The following SERINC5 variants were observed in gnomAD, a reference collection of about 807,000 sequenced individuals.
SERINC5 encodes the protein serine incorporator 5.
A neutral mutation model predicts 63.1 loss-of-function variants in SERINC5; 41 were observed. That is an observed-to-expected ratio of 0.65 (90% CI 0.51 to 0.84). SERINC5 has a LOEUF of 0.84. SERINC5 is among the 40% of genes least tolerant of loss of function. The pLI is 0.00. For missense variants in SERINC5, 523 were observed against 573.0 expected, an observed-to-expected ratio of 0.91 and a Z score of 0.89; for synonymous variants, 222 against 215.2, an observed-to-expected ratio of 1.03 and a Z score of -0.28.
At chr5:80,207,085 G>A (rs890017407) in intron 1 of SERINC5, among the ~76,000 whole-genome samples, 3 of 151,982 alleles carry the variant, frequency 2.0e-5, no homozygotes, top group South Asian at 4.1e-4. Flanking sequence ...TGCAAGCTCC[G>A]CCTCCTGGGT....
Position 80,143,999 on chromosome 5 carries a change from G to A in SERINC5, c.1239-189C>T, listed in dbSNP as rs1044123033. ...CCCAAAAGAAATCATGCACCCCTTA[G>A]GTGCTCTCCCCTTCCCCATGGCCCC... On this transcript the variant is annotated intron_variant, in intron 11 of 11. Transcript: ENST00000507668. 20 of 661,536 alleles carry A rather than the reference G, an allele frequency of 3.0e-5. No homozygotes were observed. In the African/African-American group the frequency reaches 3.1e-4, roughly 10 times the overall value. 41.0% of individuals were successfully genotyped at this position (661,536 alleles called of 1,614,324 possible).
chr5:80,168,081 T>G (rs1478113341), intron 6 of SERINC5, among the ~76,000 whole-genome samples: 1 of 152,224 alleles, frequency 6.6e-6, no homozygotes, highest in African/African-American at 2.4e-5. Flanking sequence ...AATCGGAATA[T>G]CAAGTTGTTC....
At chr5:80,249,733 C>T (rs1398754166) in intron 1 of SERINC5, among the ~76,000 whole-genome samples, 13 of 151,908 alleles carry the variant, frequency 8.6e-5, no homozygotes, top group Non-Finnish European at 1.9e-4. Flanking sequence ...ACCTGGGAGG[C>T]GGAGGTTGCA....
At chr5:80,232,682 G>A (rs1386059786) in intron 1 of SERINC5, among the ~76,000 whole-genome samples, 1 of 151,988 alleles carries the variant, frequency 6.6e-6, no homozygotes, top group Non-Finnish European at 1.5e-5. Flanking sequence ...TACTGAGGAG[G>A]TTGAGGCAGG....
chr5:80,177,885 C>A lies in SERINC5; in HGVS notation c.374+1G>T, dbSNP rs1276243791. On this transcript the variant is annotated splice_donor_variant, in intron 3 of 11. Transcript: ENST00000507668. LOFTEE classifies it high-confidence loss of function. ...ATCCCCAAGAAGACTAAAATACTTA[C>A]CCATTGTGAATATGAGCTCTACAAC... 6.2e-7 allele frequency: 1 copy of A among 1,603,780 alleles called. No individual in the cohort carries two copies. Among genetic ancestry groups the A allele is most frequent in the Non-Finnish European group, 8.5e-7 (1 of 1,175,528 alleles).
intron 2 of SERINC5, among the ~76,000 whole-genome samples, chr5:80,191,617 C>T (rs1749191964): frequency 6.8e-6 from 1 of 147,186 alleles, no homozygotes; most frequent in Non-Finnish European, 1.5e-5. Flanking sequence ...GAGCCATGAT[C>T]GTGCCACCAC....
intron 7 of SERINC5, among the ~76,000 whole-genome samples, chr5:80,166,079 C>T (rs189315942): frequency 6.6e-6 from 1 of 152,202 alleles, no homozygotes; most frequent in Non-Finnish European, 1.5e-5. Flanking sequence ...CCCATCCCCT[C>T]ATGCACTGAT....
At chr5:80,164,906 TTC>T (rs1747170488) in intron 7 of SERINC5, among the ~76,000 whole-genome samples, 1 of 140,398 alleles carries the variant, frequency 7.1e-6, no homozygotes, top group South Asian at 2.2e-4. Flanking sequence ...ATAACTTTTT[TTC>T]TGTTTTTTTT....
chr5:80,139,780 A>C lies in SERINC5; in HGVS notation c.*3883T>G. 2 of 985,448 alleles carry C rather than the reference A, an allele frequency of 2.0e-6. No homozygotes were observed. The highest frequency in any genetic ancestry group is 9.4e-5 in the South Asian group (2 of 21,290). The allele number at this position is 985,448 out of a possible 1,614,324, so 61.0% of individuals were successfully genotyped here. On this transcript the variant is annotated 3_prime_UTR_variant, in exon 12 of 12. Coordinates refer to ENST00000507668, the MANE Select transcript of SERINC5 (RefSeq NM_001174072.3). ...GTGGCTACTGCATTGTCCCTGAAGAAGGAGGGCCCAGTGTTCTTTCTGGGT... is the reference window on the plus strand; with the variant it reads ...GTGGCTACTGCATTGTCCCTGAAGACGGAGGGCCCAGTGTTCTTTCTGGGT...
chr5:80,186,564 A>T (rs10063146), intron 2 of SERINC5, among the ~76,000 whole-genome samples: 76,743 of 151,992 alleles, frequency 0.5, 20,413 homozygotes, highest in East Asian at 0.78. Context: ...CTCACAAATT[A>T]GGAAAAACAT....
At chr5:80,229,050 T>TGGGTGGGGG (rs1751304306) in intron 1 of SERINC5, among the ~76,000 whole-genome samples, 4 of 94,104 alleles carry the variant, frequency 4.3e-5, no homozygotes, top group Non-Finnish European at 8.5e-5. Flanking sequence ...TTTTTTTTTT[T>TGGGTGGGGG]GGGGATGGAG....
At chr5:80,234,875 CTG>C (rs1751614117) in intron 1 of SERINC5, among the ~76,000 whole-genome samples, 1 of 152,196 alleles carries the variant, frequency 6.6e-6, no homozygotes, top group African/African-American at 2.4e-5. Flanking sequence ...TTAACTAACA[CTG>C]TTATCTTGGC....
rs1745636387 is a variant in SERINC5, at chr5:80,143,531, T to A, written c.*132A>T. On this transcript the variant is annotated 3_prime_UTR_variant, in exon 12 of 12. Transcript: ENST00000507668. ...AAGTAAAAAGCTAATCAGGAGATTT[T>A]TTTTTTTCTCTCTCAAAGCTTTTTC... The A allele has an allele frequency of 2.2e-6, 3 of 1,370,412 alleles. No individual in the cohort carries two copies. The African/African-American group carries it at 4.4e-5, about 20-fold the overall frequency. 84.9% of individuals were successfully genotyped at this position (1,370,412 alleles called of 1,614,324 possible). A position where few individuals can be genotyped will look rare whatever the true frequency, so the allele number is the denominator to read the frequency against.
At chr5:80,111,405 G>T (rs1332532033), downstream of SERINC5, among the ~76,000 whole-genome samples, 2 of 152,152 alleles carry the variant, frequency 1.3e-5, no homozygotes, top group African/African-American at 2.4e-5. Context: ...AAGACAAATG[G>T]TTACAGGAAA....
At chr5:80,121,135 C>G (rs1434978123) in intron 11 of SERINC5, among the ~76,000 whole-genome samples, 16 of 152,190 alleles carry the variant, frequency 1.1e-4, no homozygotes, top group Non-Finnish European at 2.4e-4. Context: ...GATCCGCCCA[C>G]TTTGGCCTCC....
rs532069112 is a variant in SERINC5, at chr5:80,207,762, A to G, written c.28-4709T>C. 2.0e-5 allele frequency among the ~76,000 whole-genome samples: 3 copies of G among 152,368 alleles called. No individual in the cohort carries two copies. In the South Asian group the frequency reaches 6.2e-4, roughly 32 times the overall value. ...TGGACTAGCCTTTCTTACTAGCCCA[A>G]AAGTGATTTATCAAAGTAAACTATG... On this transcript the variant is annotated intron_variant, in intron 1 of 11. Transcript: ENST00000507668.
intron 1 of SERINC5, among the ~76,000 whole-genome samples, chr5:80,249,898 T>A (rs2112613146): frequency 6.6e-6 from 1 of 152,296 alleles, no homozygotes; most frequent in African/African-American, 2.4e-5. Flanking sequence ...ATATGTGTGA[T>A]TTCCCTCTGT....
intron 1 of SERINC5, among the ~76,000 whole-genome samples, chr5:80,250,383 C>T (rs1325137304): frequency 6.6e-6 from 1 of 152,112 alleles, no homozygotes; most frequent in Admixed American, 6.6e-5. Flanking sequence ...GCTGTCTTGC[C>T]CAAGCTGGAG....
chr5:80,119,265 C>G (rs909516016), intron 11 of SERINC5, among the ~76,000 whole-genome samples: 1 of 152,212 alleles, frequency 6.6e-6, no homozygotes, highest in Non-Finnish European at 1.5e-5. Context: ...CTCTTAAGAG[C>G]TGGAGTTATC....
Sources: allele counts gnomAD v4.1 joint callset (sites outside exome capture counted in the v4.1 genomes callset), GRCh38; gene constraint gnomAD v4.1.1; transcripts MANE v1.5; gene names NCBI Gene and HGNC (gene_info 2026-07-23, HGNC 2026-07-21).